The following PTPRM variants were observed in gnomAD, a reference collection of about 807,000 sequenced individuals.
PTPRM encodes the protein protein tyrosine phosphatase receptor type M.
Under a neutral mutation model 186.7 loss-of-function variants are expected in PTPRM, and 47 were observed. That is an observed-to-expected ratio of 0.25 (90% CI 0.20 to 0.32). The LOEUF is 0.32. Among genes scored for constraint, PTPRM ranks in the 10% least tolerant of loss-of-function variants. PTPRM has a pLI of 1.00. For missense variants in PTPRM, 1,494 were observed against 1,865.0 expected (o/e 0.80, Z 3.66); for synonymous variants, 668 against 674.9 (o/e 0.99, Z 0.16).
chr18:8,337,134 A>T (rs1420821261), intron 22 of PTPRM, among the ~76,000 whole-genome samples: 1 of 152,188 alleles, frequency 6.6e-6, no homozygotes, highest in African/African-American at 2.4e-5. Context: ...TTAATACTTG[A>T]AAAACTACTC....
At chr18:7,730,641 A>T (rs768513313) in intron 1 of PTPRM, among the ~76,000 whole-genome samples, 1 of 152,210 alleles carries the variant, frequency 6.6e-6, no homozygotes, top group Non-Finnish European at 1.5e-5. Context: ...TTGCTCAGAA[A>T]CATGAAGTAT....
At chr18:7,683,682 G>A (rs2144591727) in intron 1 of PTPRM, among the ~76,000 whole-genome samples, 1 of 152,254 alleles carries the variant, frequency 6.6e-6, no homozygotes, top group East Asian at 1.9e-4. Context: ...GGATGGATTT[G>A]TTTTCTTTTG....
At chr18:8,165,108 G>A (rs573527240) in intron 14 of PTPRM, among the ~76,000 whole-genome samples, 3 of 150,798 alleles carry the variant, frequency 2.0e-5, no homozygotes, top group Non-Finnish European at 2.9e-5. Flanking sequence ...GGCAGAGGTT[G>A]CAGTAAGCGG....
intron 1 of PTPRM, among the ~76,000 whole-genome samples, chr18:7,705,317 ATCTATCT>A (rs2040058588): frequency 1.4e-5 from 2 of 146,944 alleles, no homozygotes; most frequent in Non-Finnish European, 3.0e-5. Flanking sequence ...CTATCTATCT[ATCTATCT>A]ATCTGTCTAT....
At chr18:7,882,570 G>A (rs894247591) in intron 2 of PTPRM, among the ~76,000 whole-genome samples, 1 of 152,194 alleles carries the variant, frequency 6.6e-6, no homozygotes, top group Non-Finnish European at 1.5e-5. Flanking sequence ...GGGAGGCAAA[G>A]ACCAATAATC....
chr18:7,594,485 CG>C (rs1485168480), intron 1 of PTPRM, among the ~76,000 whole-genome samples: 2 of 147,696 alleles, frequency 1.4e-5, no homozygotes, highest in African/African-American at 5.1e-5. Flanking sequence ...GTCTCAAAAA[CG>C]AAAAAAAAAA....
chr18:8,192,965 G>A (rs1389682298), intron 14 of PTPRM, among the ~76,000 whole-genome samples: 3 of 152,152 alleles, frequency 2.0e-5, no homozygotes, highest in Non-Finnish European at 4.4e-5. Flanking sequence ...GAGCTTGGAT[G>A]TAGGAAAGAA....
At chr18:7,876,116 C>CTGTG (rs35159405) in intron 2 of PTPRM, among the ~76,000 whole-genome samples, 57 of 149,866 alleles carry the variant, frequency 3.8e-4, no homozygotes, top group African/African-American at 7.6e-4. Flanking sequence ...TGATGCATGA[C>CTGTG]TGTGTGTGTG....
intron 1 of PTPRM, among the ~76,000 whole-genome samples, chr18:7,635,134 C>T (rs7226801): frequency 0.036 from 5,475 of 152,020 alleles, 360 homozygotes; most frequent in African/African-American, 0.13. Context: ...GCATTGTGCC[C>T]CCCAAAATTA....
At chr18:8,167,190 A>G (rs1192259075) in intron 14 of PTPRM, among the ~76,000 whole-genome samples, 2 of 152,212 alleles carry the variant, frequency 1.3e-5, no homozygotes, top group South Asian at 2.1e-4. Context: ...TCACGCACCA[A>G]TAGTTTTCAA....
chr18:7,951,273 C>T (rs2052933838), intron 6 of PTPRM, among the ~76,000 whole-genome samples: 1 of 152,148 alleles, frequency 6.6e-6, no homozygotes, highest in African/African-American at 2.4e-5. Context: ...TTTTAGAGTT[C>T]ATCATTATCA....
At chr18:8,069,614 G>T in intron 7 of PTPRM, 72 bp from the exon 8 acceptor site, 1 of 1,337,014 alleles carries the variant, frequency 7.5e-7, no homozygotes, top group South Asian at 1.5e-5. Flanking sequence ...GAATATCTGT[G>T]ACCTTTGGGA....
chr18:8,368,092 A>G (rs1344990113), intron 23 of PTPRM, among the ~76,000 whole-genome samples: 1 of 151,948 alleles, frequency 6.6e-6, no homozygotes, highest in Admixed American at 6.6e-5. Context: ...GTGTGCCTGT[A>G]TACCATATAT....
intron 13 of PTPRM, chr18:8,121,929 G>A (rs527655981): frequency 9.2e-5 from 14 of 152,084 alleles, no homozygotes; most frequent in Non-Finnish European, 1.8e-4. Context: ...CCTTTATTTA[G>A]GATGAATGTT....
intron 3 of PTPRM, among the ~76,000 whole-genome samples, chr18:7,895,543 C>G (rs955956595): frequency 1.3e-5 from 2 of 152,182 alleles, no homozygotes; most frequent in Non-Finnish European, 2.9e-5. Context: ...GTGCAGTTCT[C>G]CCTTCCCTGG....
Position 7,567,606 on chromosome 18 carries a change from G to A in PTPRM, c.-213G>A, listed in dbSNP as rs2036456625. ...GGCGCCAGACGCCGAGTGGGGCCAG[G>A]GACAGGGGAGGAGGACCCAGGACCC... On this transcript the variant is annotated 5_prime_UTR_variant, in exon 1 of 33. Coordinates refer to ENST00000580170, the MANE Select transcript of PTPRM (RefSeq NM_001105244.2). The surrounding 1 kb of genome is among the most constrained non-coding windows in gnomAD (Gnocchi z 4.3). 2.3e-6 allele frequency: 1 copy of A among 431,580 alleles called. No individual in the cohort carries two copies. The highest frequency in any genetic ancestry group is 4.0e-6 in the Non-Finnish European group (1 of 247,804). 26.7% of individuals were successfully genotyped at this position (431,580 alleles called of 1,614,324 possible). A position where few individuals can be genotyped will look rare whatever the true frequency, so the allele number is the denominator to read the frequency against.
At chr18:7,792,968 T>A (rs921120700) in intron 2 of PTPRM, among the ~76,000 whole-genome samples, 16 of 152,226 alleles carry the variant, frequency 1.1e-4, no homozygotes, top group African/African-American at 3.1e-4. Context: ...ATAATTTTTT[T>A]AAATTTTATT....
chr18:8,220,426 A>G (rs149465183), intron 14 of PTPRM, among the ~76,000 whole-genome samples: 23 of 152,334 alleles, frequency 1.5e-4, no homozygotes, highest in Non-Finnish European at 3.1e-4. Context: ...ACACACACAT[A>G]TATCCCACAA....
At position 8,263,429 on chromosome 18, in the gene PTPRM, CAT is replaced by C. The variant is rs1286887013; in HGVS notation, c.2754+10016_2754+10017del. Among the ~76,000 whole-genome samples, 7 of 152,204 alleles carry C rather than the reference CAT, an allele frequency of 4.6e-5. No individual in the cohort carries two copies. In the East Asian group the frequency reaches 1.4e-3, roughly 29 times the overall value. On this transcript the variant is annotated intron_variant, in intron 19 of 32. Transcript: ENST00000580170. ...CAGCTGAGGATGAACATTTTTAATA[CAT>C]GTTTGCTTTACATTTCTTATTTAAC...
Sources: gnomAD v4.1 joint callset for allele counts (sites outside exome capture counted in the v4.1 genomes callset) on GRCh38, gnomAD v4.1.1 for gene constraint, Gnocchi (gnomAD v3.1) non-coding constraint, MANE v1.5 for transcripts, NCBI Gene and HGNC (gene_info 2026-07-23, HGNC 2026-07-21) for gene names.